The following RNF130 variants were observed in gnomAD, a reference collection of about 807,000 sequenced individuals.
RNF130 encodes the protein E3 ubiquitin-protein ligase RNF130.
A neutral mutation model predicts 44.6 loss-of-function variants in RNF130; 21 were observed. The ratio of observed to expected loss-of-function variants is 0.47; its 90% CI spans 0.33 to 0.68. RNF130 has a LOEUF of 0.68. RNF130 is among the 30% of genes least tolerant of loss of function. RNF130 has a pLI of 0.02. For missense variants in RNF130, 479 were observed against 560.6 expected (o/e 0.85, Z 1.47); for synonymous variants, 214 against 210.4 (o/e 1.02, Z -0.15).
At chr5:180,009,167 T>C (rs557625335) in intron 3 of RNF130, among the ~76,000 whole-genome samples, 2 of 152,134 alleles carry the variant, frequency 1.3e-5, no homozygotes, top group Non-Finnish European at 2.9e-5. Context: ...GGAAAAATAG[T>C]AGAAAATCTT....
At chr5:179,971,664 C>A (rs982382666) in intron 5 of RNF130, among the ~76,000 whole-genome samples, 1 of 152,200 alleles carries the variant, frequency 6.6e-6, no homozygotes. Flanking sequence ...CCACCACACC[C>A]GGCCAAGATA....
intron 8 of RNF130, among the ~76,000 whole-genome samples, chr5:179,960,040 T>C (rs1762292773): frequency 6.6e-6 from 1 of 152,202 alleles, no homozygotes; most frequent in Non-Finnish European, 1.5e-5. Context: ...TTTGTATATG[T>C]TCCTCAAATA....
At chr5:179,957,901 G>A (rs955218495) in intron 8 of RNF130, among the ~76,000 whole-genome samples, 2 of 150,632 alleles carry the variant, frequency 1.3e-5, no homozygotes, top group Non-Finnish European at 3.0e-5. Context: ...TTTTTGAGAC[G>A]GAGTCTCGCT....
At chr5:180,025,082 C>T (rs960710888) in intron 2 of RNF130, among the ~76,000 whole-genome samples, 5 of 152,212 alleles carry the variant, frequency 3.3e-5, no homozygotes, top group African/African-American at 4.8e-5. Flanking sequence ...CATCCTGAAT[C>T]GAGAAGCACT....
intron 2 of RNF130, among the ~76,000 whole-genome samples, chr5:180,019,221 A>G (rs574130308): frequency 1.3e-5 from 2 of 152,102 alleles, no homozygotes; most frequent in African/African-American, 4.8e-5. Flanking sequence ...CATCTCTACT[A>G]AAAATACAAA....
intron 3 of RNF130, among the ~76,000 whole-genome samples, chr5:179,996,262 T>C (rs569446780): frequency 2.2e-4 from 33 of 152,360 alleles, no homozygotes; most frequent in East Asian, 5.8e-4. Flanking sequence ...AGTGAGTTAA[T>C]TGTTGGTGTA....
intron 2 of RNF130, among the ~76,000 whole-genome samples, chr5:180,029,585 G>A (rs938763893): frequency 1.3e-5 from 2 of 152,100 alleles, no homozygotes; most frequent in Non-Finnish European, 2.9e-5. Context: ...AAAAATAAAA[G>A]CAATATTATA....
At chr5:179,979,076 G>A (rs1762774334) in intron 4 of RNF130, among the ~76,000 whole-genome samples, 1 of 151,924 alleles carries the variant, frequency 6.6e-6, no homozygotes, top group Admixed American at 6.6e-5. Flanking sequence ...GGAAATAACT[G>A]TGCTGGCCCG....
chr5:180,022,005 C>T (rs1024731814), intron 2 of RNF130, among the ~76,000 whole-genome samples: 3 of 152,218 alleles, frequency 2.0e-5, no homozygotes, highest in African/African-American at 7.2e-5. Flanking sequence ...AGACTACATT[C>T]GGCCCAGTTG....
At chr5:180,056,596 T>C (rs1298572756) in intron 1 of RNF130, among the ~76,000 whole-genome samples, 1 of 152,150 alleles carries the variant, frequency 6.6e-6, no homozygotes, top group Non-Finnish European at 1.5e-5. Flanking sequence ...TTAGGAAAGA[T>C]GAACCATGTT....
At chr5:179,922,205 G>C (rs73340208) in intron 7 of RNF130, among the ~76,000 whole-genome samples, 1 of 149,678 alleles carries the variant, frequency 6.7e-6, no homozygotes, top group South Asian at 2.1e-4. Context: ...GACTAGTGAC[G>C]TTGAGCATCT....
At position 179,984,566 on chromosome 5, in the gene RNF130, T is replaced by A. The variant is rs1762912423; in HGVS notation, c.694-4366A>T. ...GTAATAATACATTAATTTTTGAATG[T>A]TAAATGAAACTTATATTCCTGGAGT... On this transcript the variant is annotated intron_variant, in intron 3 of 8. Transcript: ENST00000521389. Among the ~76,000 whole-genome samples the A allele has an allele frequency of 2.6e-5, 4 of 152,198 alleles. No individual in the cohort carries two copies. The South Asian group carries it at 8.3e-4, about 32-fold the overall frequency.
rs190108327 is a variant in RNF130, at chr5:179,972,312, C to T, written c.849-1806G>A. Among the ~76,000 whole-genome samples, 13 of 152,290 alleles carry T rather than the reference C, an allele frequency of 8.5e-5. No individual in the cohort carries two copies. The East Asian group carries it at 1.4e-3, about 16-fold the overall frequency. ...ACCTCCCTCTGAAAAGTCACGGGGA[C>T]GCAAATGCCTAGTACCTTGCATACA... On this transcript the variant is annotated intron_variant, in intron 5 of 8. Coordinates refer to ENST00000521389, the MANE Select transcript of RNF130 (RefSeq NM_018434.6).
chr5:179,941,241 A>T (rs1761966050), intron 7 of RNF130, among the ~76,000 whole-genome samples: 1 of 152,218 alleles, frequency 6.6e-6, no homozygotes, highest in Non-Finnish European at 1.5e-5. Flanking sequence ...CTGGACATGT[A>T]TACAAGAAAC....
intron 5 of RNF130, among the ~76,000 whole-genome samples, chr5:179,975,964 C>T (rs574137314): frequency 2.7e-5 from 4 of 149,008 alleles, no homozygotes; most frequent in East Asian, 2.0e-4. Context: ...GGCCTCCACC[C>T]GGGATGCTTC....
chr5:179,933,266 G>T (rs1425510091), intron 7 of RNF130, among the ~76,000 whole-genome samples: 1 of 148,126 alleles, frequency 6.8e-6, no homozygotes, highest in Non-Finnish European at 1.5e-5. Flanking sequence ...TTAAACTATG[G>T]ATTCAATTTA....
chr5:180,007,017 A>C (rs1763475433), intron 3 of RNF130, among the ~76,000 whole-genome samples: 1 of 152,188 alleles, frequency 6.6e-6, no homozygotes. Flanking sequence ...AATGTTCTCA[A>C]TTGTGAGCAT....
intron 2 of RNF130, among the ~76,000 whole-genome samples, chr5:180,026,634 G>C (rs1378389366): frequency 1.3e-5 from 2 of 152,128 alleles, no homozygotes; most frequent in African/African-American, 4.8e-5. Context: ...TGGTTGACAA[G>C]GCAAGAAAAC....
intron 2 of RNF130, among the ~76,000 whole-genome samples, chr5:180,025,424 C>T (rs933081971): frequency 1.8e-4 from 28 of 152,162 alleles, no homozygotes; most frequent in Admixed American, 1.8e-3. Flanking sequence ...ACTTGGGACA[C>T]GGAGACTGCA....
Sources: allele counts gnomAD v4.1 joint callset (sites outside exome capture counted in the v4.1 genomes callset), GRCh38; gene constraint gnomAD v4.1.1; transcripts MANE v1.5; gene names NCBI Gene and HGNC (gene_info 2026-07-23, HGNC 2026-07-21).